Variants in GRIK2 observed in about 807,000 individuals in gnomAD.
GRIK2 encodes the protein glutamate ionotropic receptor kainate type subunit 2.
A neutral mutation model predicts 100.3 loss-of-function variants in GRIK2; 32 were observed. That is an observed-to-expected ratio of 0.32 (90% CI 0.24 to 0.43). The LOEUF is 0.43. Among genes scored for constraint, GRIK2 ranks in the 20% least tolerant of loss-of-function variants. The pLI is 1.00. For synonymous variants in GRIK2, 417 were observed against 389.4 expected, an observed-to-expected ratio of 1.07 and a Z score of -0.83; for missense variants, 843 against 1,114.9, an observed-to-expected ratio of 0.76 and a Z score of 3.47.
At chr6:101,561,142 GTC>G (rs1283403128) in intron 2 of GRIK2, among the ~76,000 whole-genome samples, 1 of 152,086 alleles carries the variant, frequency 6.6e-6, no homozygotes, top group African/African-American at 2.4e-5. Flanking sequence ...TATAAAAAAA[GTC>G]TCTTAGGAAG....
At chr6:101,927,523 G>T (rs1396055166) in intron 13 of GRIK2, among the ~76,000 whole-genome samples, 3 of 151,926 alleles carry the variant, frequency 2.0e-5, no homozygotes, top group African/African-American at 7.3e-5. Context: ...TAAGCATTAA[G>T]AATATAAACA....
At chr6:101,562,725 T>G (rs1361877806) in intron 2 of GRIK2, among the ~76,000 whole-genome samples, 4 of 152,122 alleles carry the variant, frequency 2.6e-5, no homozygotes, top group Non-Finnish European at 5.9e-5. Flanking sequence ...TGAATGTTCT[T>G]CTGATGATTA....
intron 2 of GRIK2, among the ~76,000 whole-genome samples, chr6:101,619,753 T>C (rs1341439836): frequency 6.6e-6 from 1 of 152,146 alleles, no homozygotes; most frequent in Non-Finnish European, 1.5e-5. Flanking sequence ...TTACGTCTTA[T>C]TAAGTCATCT....
chr6:101,606,077 G>T (rs1295535499), intron 2 of GRIK2, among the ~76,000 whole-genome samples: 1 of 151,926 alleles, frequency 6.6e-6, no homozygotes, highest in African/African-American at 2.4e-5. Flanking sequence ...TTTGATCACA[G>T]ATGAGGTCTC....
chr6:101,782,858 T>TC (rs200488159), intron 7 of GRIK2, among the ~76,000 whole-genome samples: 45 of 122,710 alleles, frequency 3.7e-4, no homozygotes, highest in Non-Finnish European at 4.4e-4. Context: ...CTCAAATCTC[T>TC]TTTTTTTTTT....
At chr6:101,838,137 T>C (rs1220754324) in intron 10 of GRIK2, among the ~76,000 whole-genome samples, 1 of 152,218 alleles carries the variant, frequency 6.6e-6, no homozygotes, top group Non-Finnish European at 1.5e-5. Context: ...CCTCAGTTTA[T>C]TACTGTTAGA....
At chr6:101,419,616 T>C (rs1014511590) in intron 2 of GRIK2, among the ~76,000 whole-genome samples, 1 of 152,218 alleles carries the variant, frequency 6.6e-6, no homozygotes, top group African/African-American at 2.4e-5. Context: ...CACGCAGTAT[T>C]CATTAGTCCC....
At chr6:101,552,845 G>A (rs1008080995) in intron 2 of GRIK2, among the ~76,000 whole-genome samples, 1 of 151,924 alleles carries the variant, frequency 6.6e-6, no homozygotes, top group Non-Finnish European at 1.5e-5. Flanking sequence ...CTGTTTCATT[G>A]GTTTTTAAAG....
intron 7 of GRIK2, among the ~76,000 whole-genome samples, chr6:101,691,245 A>G (rs1450958859): frequency 6.6e-6 from 1 of 151,826 alleles, no homozygotes; most frequent in East Asian, 1.9e-4. Flanking sequence ...ATATCTAATC[A>G]TTTAGAAGAT....
Position 102,065,903 on chromosome 6 carries a change from C to T in GRIK2, c.2563-2444C>T, listed in dbSNP as rs141304099. The T allele has an allele frequency of 9.7e-6, 14 of 1,435,904 alleles. No homozygotes were observed. The Admixed American group carries it at 4.0e-4, about 41-fold the overall frequency. The allele number at this position is 1,435,904 out of a possible 1,614,324, so 88.9% of individuals were successfully genotyped here. ...TCACCATCTTCATCATCATTATCAT[C>T]ATGTTCTTAATAAGTACATCTAATA... On this transcript the variant is annotated intron_variant, in intron 16 of 16. Coordinates refer to ENST00000369134, the MANE Select transcript of GRIK2 (RefSeq NM_021956.5).
intron 7 of GRIK2, among the ~76,000 whole-genome samples, chr6:101,709,174 A>C (rs758969790): frequency 2.0e-5 from 3 of 151,856 alleles, no homozygotes; most frequent in Non-Finnish European, 4.4e-5. Context: ...GGAGGCAGAG[A>C]TTCCATTTTC....
intron 2 of GRIK2, among the ~76,000 whole-genome samples, chr6:101,609,441 T>C (rs1303231516): frequency 6.6e-6 from 1 of 151,866 alleles, no homozygotes; most frequent in Non-Finnish European, 1.5e-5. Flanking sequence ...AAATAACTCA[T>C]GTCATTTTGT....
chr6:101,883,312 A>T (rs1430956429), intron 11 of GRIK2, among the ~76,000 whole-genome samples: 1 of 148,350 alleles, frequency 6.7e-6, no homozygotes. Context: ...AATAATAATA[A>T]TAATAATAAT....
chr6:101,851,786 A>G (rs1372680862), intron 10 of GRIK2, among the ~76,000 whole-genome samples: 1 of 151,928 alleles, frequency 6.6e-6, no homozygotes, highest in African/African-American at 2.4e-5. Flanking sequence ...TAAAAAAAAA[A>G]AAAGTCATAC....
At chr6:101,641,268 A>G (rs1004600925) in intron 4 of GRIK2, among the ~76,000 whole-genome samples, 1 of 152,086 alleles carries the variant, frequency 6.6e-6, no homozygotes, top group Non-Finnish European at 1.5e-5. Context: ...TACATGTGCA[A>G]TGATTCTGAC....
At chr6:101,823,744 G>A (rs1782115970) in intron 10 of GRIK2, among the ~76,000 whole-genome samples, 1 of 151,932 alleles carries the variant, frequency 6.6e-6, no homozygotes, top group Non-Finnish European at 1.5e-5. Flanking sequence ...TGGTCTTGTT[G>A]CTGCTGCTGT....
At chr6:101,928,203 A>C (rs1790036228) in intron 13 of GRIK2, 1 of 565,502 alleles carries the variant, frequency 1.8e-6, no homozygotes, top group African/African-American at 1.9e-5. Context: ...TCCTGTCACT[A>C]TATTTAAACA....
At chr6:101,777,605 T>G (rs534727364) in intron 7 of GRIK2, among the ~76,000 whole-genome samples, 9 of 152,330 alleles carry the variant, frequency 5.9e-5, no homozygotes, top group Non-Finnish European at 8.8e-5. Context: ...TTTTTTTTAT[T>G]ATTTTCTTTA....
intron 14 of GRIK2, among the ~76,000 whole-genome samples, chr6:102,018,160 T>C (rs935251683): frequency 6.6e-6 from 1 of 152,066 alleles, no homozygotes; most frequent in African/African-American, 2.4e-5. Context: ...AGTGGGAAGA[T>C]ATAAGGGGAG....
Sources: allele counts gnomAD v4.1 joint callset (sites outside exome capture counted in the v4.1 genomes callset), GRCh38; gene constraint gnomAD v4.1.1; transcripts MANE v1.5; gene names NCBI Gene and HGNC (gene_info 2026-07-23, HGNC 2026-07-21).